The following LHFPL3 variants were observed in gnomAD, a reference collection of about 807,000 sequenced individuals.
LHFPL3 encodes LHFPL tetraspan subfamily member 3 protein.
In LHFPL3, 5 loss-of-function variants were observed where a neutral mutation model predicts 19.3. The ratio of observed to expected loss-of-function variants is 0.26; its 90% CI spans 0.14 to 0.54. The LOEUF (loss-of-function observed/expected upper bound fraction) is 0.54, where lower values mean the gene tolerates loss of function less well. Ranked by LOEUF, LHFPL3 falls within the 20% of genes least tolerant of loss-of-function variation. The pLI, the probability that LHFPL3 is intolerant of heterozygous loss-of-function variation, is 0.94. For missense variants in LHFPL3, 249 were observed against 307.4 expected, an observed-to-expected ratio of 0.81 and a Z score of 1.42; for synonymous variants, 133 against 126.2, an observed-to-expected ratio of 1.05 and a Z score of -0.36.
intron 1 of LHFPL3, among the ~76,000 whole-genome samples, chr7:104,488,573 A>T (rs1314683544): frequency 6.6e-6 from 1 of 152,164 alleles, no homozygotes; most frequent in Non-Finnish European, 1.5e-5. Context: ...AAGAATTTAA[A>T]GGTCCAGGAG....
chr7:104,592,507 G>C (rs1026611690), intron 1 of LHFPL3, among the ~76,000 whole-genome samples: 1 of 152,106 alleles, frequency 6.6e-6, no homozygotes, highest in South Asian at 2.1e-4. Flanking sequence ...TGAGGTGTCA[G>C]TCGGCCCCTA....
At chr7:104,469,646 T>A (rs1792866834) in intron 1 of LHFPL3, among the ~76,000 whole-genome samples, 3 of 152,192 alleles carry the variant, frequency 2.0e-5, no homozygotes, top group Admixed American at 1.3e-4. Flanking sequence ...CTGGGGGATT[T>A]CCAGGATTCA....
chr7:104,541,103 GAC>G (rs58831498), intron 1 of LHFPL3, among the ~76,000 whole-genome samples: 20,217 of 134,382 alleles, frequency 0.15, 1,531 homozygotes, highest in African/African-American at 0.23. Flanking sequence ...TCCTCCCCAT[GAC>G]ACACACACAC....
At chr7:104,332,341 T>C (rs577742475) in intron 1 of LHFPL3, among the ~76,000 whole-genome samples, 1 of 149,240 alleles carries the variant, frequency 6.7e-6, no homozygotes, top group South Asian at 2.2e-4. Flanking sequence ...GTGATTCTCC[T>C]GTTTCAGCCT....
At chr7:104,430,383 C>CATGTATAT (rs1791941390) in intron 1 of LHFPL3, among the ~76,000 whole-genome samples, 2 of 39,684 alleles carry the variant, frequency 5.0e-5, no homozygotes, top group African/African-American at 2.8e-4. Flanking sequence ...TATATATATA[C>CATGTATAT]ATATATATAT....
rs58527692 is a variant in LHFPL3, at chr7:104,860,539, G to T, written c.683-45648G>T. ...GGCTGCCCTGGGGATGCCCCTTAAGGATCTACACCCATTCCTTTCATACTA... is the reference window on the plus strand; with the variant it reads ...GGCTGCCCTGGGGATGCCCCTTAAGTATCTACACCCATTCCTTTCATACTA... On this transcript the variant is annotated intron_variant, in intron 2 of 2. Coordinates refer to ENST00000424859, the MANE Select transcript of LHFPL3 (RefSeq NM_199000.3). Among the ~76,000 whole-genome samples, 470 of 151,554 alleles carry T rather than the reference G, an allele frequency of 3.1e-3. 13 individuals are homozygous for T. The East Asian group carries it at 0.046, about 15-fold the overall frequency.
chr7:104,408,370 T>TC (rs397719414), intron 1 of LHFPL3, among the ~76,000 whole-genome samples: 1 of 151,700 alleles, frequency 6.6e-6, no homozygotes, highest in African/African-American at 2.4e-5. Flanking sequence ...TTTTTTTTTT[T>TC]CTAGATTGGA....
At chr7:104,825,908 G>C (rs1217340866) in intron 2 of LHFPL3, among the ~76,000 whole-genome samples, 2 of 151,790 alleles carry the variant, frequency 1.3e-5, no homozygotes, top group Admixed American at 1.3e-4. Flanking sequence ...GACCACTTTT[G>C]TTTCTAATTC....
intron 1 of LHFPL3, among the ~76,000 whole-genome samples, chr7:104,351,600 G>T (rs752268079): frequency 6.6e-6 from 1 of 152,132 alleles, no homozygotes; most frequent in African/African-American, 2.4e-5. Context: ...CTAAATCATA[G>T]TTTAAAATTT....
chr7:104,810,021 G>C (rs1790435744), intron 2 of LHFPL3, among the ~76,000 whole-genome samples: 2 of 152,238 alleles, frequency 1.3e-5, no homozygotes, highest in African/African-American at 4.8e-5. Context: ...GTTATGCAAA[G>C]CTTCTTGGAG....
Position 104,376,869 on chromosome 7 carries a change from T to A in LHFPL3, c.445+47645T>A, listed in dbSNP as rs1294194965. Among the ~76,000 whole-genome samples, 5 of 152,286 alleles carry A rather than the reference T, an allele frequency of 3.3e-5. No individual in the cohort carries two copies. In the East Asian group the frequency reaches 9.6e-4, roughly 29 times the overall value. ...TTTTTCTGGAAAATAATGTAGCTTTTTTTCCTGGAAAGTTCTAGGAGTCTT... is the reference window on the plus strand; with the variant it reads ...TTTTTCTGGAAAATAATGTAGCTTTATTTCCTGGAAAGTTCTAGGAGTCTT... On this transcript the variant is annotated intron_variant, in intron 1 of 2. Transcript: ENST00000424859.
intron 2 of LHFPL3, among the ~76,000 whole-genome samples, chr7:104,817,309 C>T (rs558362420): frequency 5.9e-5 from 9 of 152,096 alleles, no homozygotes; most frequent in East Asian, 1.9e-4. Flanking sequence ...TTTTTTCAAC[C>T]TCACCCCATT....
chr7:104,360,995 A>G (rs1009885240), intron 1 of LHFPL3, among the ~76,000 whole-genome samples: 1 of 152,254 alleles, frequency 6.6e-6, no homozygotes, highest in South Asian at 2.1e-4. Flanking sequence ...AATCAAAAGA[A>G]GAATAATTTG....
chr7:104,437,336 C>T (rs1054999065), intron 1 of LHFPL3, among the ~76,000 whole-genome samples: 6 of 152,158 alleles, frequency 3.9e-5, no homozygotes, highest in African/African-American at 1.4e-4. Flanking sequence ...GTGGCTTCCT[C>T]CTGTTATACT....
At chr7:104,752,105 G>A (rs1315027351) in intron 2 of LHFPL3, among the ~76,000 whole-genome samples, 2 of 152,148 alleles carry the variant, frequency 1.3e-5, no homozygotes, top group South Asian at 2.1e-4. Flanking sequence ...AGGTTGTAAT[G>A]TTACAGGCAC....
chr7:104,883,039 T>C (rs1214961813), intron 2 of LHFPL3, among the ~76,000 whole-genome samples: 1 of 152,236 alleles, frequency 6.6e-6, no homozygotes, highest in Non-Finnish European at 1.5e-5. Flanking sequence ...TTATCGGAAA[T>C]TTAACTAGGC....
intron 1 of LHFPL3, among the ~76,000 whole-genome samples, chr7:104,337,437 C>T (rs1789849764): frequency 6.6e-6 from 1 of 151,972 alleles, no homozygotes; most frequent in South Asian, 2.1e-4. Flanking sequence ...GTGTGCAAAT[C>T]CCAGTTTTTA....
chr7:104,428,284 G>A (rs1423077643), intron 1 of LHFPL3, among the ~76,000 whole-genome samples: 1 of 151,956 alleles, frequency 6.6e-6, no homozygotes, highest in Non-Finnish European at 1.5e-5. Context: ...ATGAAAACAG[G>A]GCCCTAAAAT....
chr7:104,396,325 G>A (rs577203507), intron 1 of LHFPL3, among the ~76,000 whole-genome samples: 1 of 152,174 alleles, frequency 6.6e-6, no homozygotes, highest in East Asian at 1.9e-4. Context: ...GTGAGAAATG[G>A]GGATGGCAAA....
Sources: gnomAD v4.1 joint callset for allele counts (sites outside exome capture counted in the v4.1 genomes callset) on GRCh38, gnomAD v4.1.1 for gene constraint, MANE v1.5 for transcripts, NCBI Gene and HGNC (gene_info 2026-07-23, HGNC 2026-07-21) for gene names.